Variants in LOXL2 observed in about 807,000 individuals in gnomAD.
The protein encoded by LOXL2 is lysyl oxidase homolog 2.
In LOXL2, 70 loss-of-function variants were observed where a neutral mutation model predicts 93.0. The observed-to-expected ratio is 0.75, with a 90% confidence interval of 0.62 to 0.92. The LOEUF is 0.92. Ranked by LOEUF, LOXL2 falls within the 40% of genes least tolerant of loss-of-function variation. The pLI, the probability that LOXL2 is intolerant of heterozygous loss-of-function variation, is 0.00. For synonymous variants in LOXL2, 438 were observed against 413.2 expected (o/e 1.06, Z -0.73); for missense variants, 973 against 1,054.9 (o/e 0.92, Z 1.08).
chr8:23,319,737 C>T (rs1475018833), intron 8 of LOXL2, 148 bp downstream of exon 8: 7 of 822,226 alleles, frequency 8.5e-6, no homozygotes, highest in East Asian at 5.2e-5. Context: ...GTGGCCAGAG[C>T]GAGGCTCCCT....
intron 3 of LOXL2, among the ~76,000 whole-genome samples, chr8:23,350,107 G>A (rs1280170332): frequency 6.6e-6 from 1 of 151,920 alleles, no homozygotes; most frequent in Non-Finnish European, 1.5e-5. Flanking sequence ...CTTGAGATCT[G>A]ACACCAACAC....
chr8:23,328,446 C>T lies in LOXL2; in HGVS notation c.1086G>A (p.Val362=). The change falls in exon 6 of 14, where the codon GTG becomes GTA. Residue 362 remains valine (V), a synonymous_variant. Transcript: ENST00000389131. Reference sequence around the variant, plus strand: ...TCCCAAAGCCCAGCTCTCTGCAGACCACACTGGCCGACACCAGGTCCCACT... The same window carrying T: ...TCCCAAAGCCCAGCTCTCTGCAGACTACACTGGCCGACACCAGGTCCCACT... ...DDKWDLVSAS[V]VCRELGFGSA... 1 of 1,614,124 alleles carries T rather than the reference C, an allele frequency of 6.2e-7. No homozygotes were observed. Among genetic ancestry groups the T allele is most frequent in the Non-Finnish European group, 8.5e-7 (1 of 1,180,016 alleles).
Position 23,311,568 on chromosome 8 carries a change from CATGGTTTGTGCTTAGCT to C in LOXL2, c.1637-1674_1637-1658del, listed in dbSNP as rs747733245. 2.2e-3 allele frequency among the ~76,000 whole-genome samples: 339 copies of C among 152,294 alleles called. 1 individual carries two copies. The highest frequency in any genetic ancestry group is 3.8e-3 in the Non-Finnish European group (259 of 68,032). On this transcript the variant is annotated intron_variant, in intron 9 of 13. Transcript: ENST00000389131. ...GCAAGGCGAGGGATCGTTAATGTACCATGGTTTGTGCTTAGCTGGTAGCCTGAGATGTGCAATCTCAA... is the reference window on the plus strand; with the variant it reads ...GCAAGGCGAGGGATCGTTAATGTACCGGTAGCCTGAGATGTGCAATCTCAA...
At chr8:23,395,834 T>C (rs562929056) in intron 1 of LOXL2, among the ~76,000 whole-genome samples, 1 of 152,024 alleles carries the variant, frequency 6.6e-6, no homozygotes, top group South Asian at 2.1e-4. Flanking sequence ...CCACCATGAC[T>C]GGCTAATTTT....
chr8:23,394,924 G>A (rs1468529430), intron 1 of LOXL2, among the ~76,000 whole-genome samples: 3 of 152,024 alleles, frequency 2.0e-5, no homozygotes, highest in Admixed American at 1.3e-4. Flanking sequence ...AATATTATTC[G>A]GCCATAAAAA....
intron 3 of LOXL2, among the ~76,000 whole-genome samples, chr8:23,342,411 A>G (rs1803895841): frequency 1.3e-5 from 2 of 151,474 alleles, no homozygotes; most frequent in African/African-American, 4.8e-5. Flanking sequence ...GCCAGCCACC[A>G]AAGAGCCTCT....
chr8:23,352,053 TC>T (rs33949828), intron 3 of LOXL2, among the ~76,000 whole-genome samples: 45,548 of 151,798 alleles, frequency 0.3, 8,776 homozygotes, highest in African/African-American at 0.54. Flanking sequence ...CCTCAAGTGA[TC>T]CCCCCCACCT....
In LOXL2 at chr8:23,361,707, G is replaced by C. The variant is rs553640433; in HGVS notation, c.356-1442C>G. ...ATACAAAAAATTAGACAGGCGTGGT[G>C]GCACGTGCCTGTAATCCCAGCTACT... On this transcript the variant is annotated intron_variant, in intron 2 of 13. Transcript: ENST00000389131. 3.2e-4 allele frequency among the ~76,000 whole-genome samples: 49 copies of C among 152,264 alleles called. 1 individual carries two copies. The highest frequency in any genetic ancestry group is 1.2e-3 in the African/African-American group (49 of 41,548).
At chr8:23,316,778 T>G in intron 9 of LOXL2, 171 bp downstream of exon 9, 1 of 615,558 alleles carries the variant, frequency 1.6e-6, no homozygotes, top group Non-Finnish European at 2.7e-6. Context: ...CAGCGATCTG[T>G]GGTTGGGGTG....
Position 23,371,558 on chromosome 8 carries a change from C to A in LOXL2, c.-83-3124G>T, listed in dbSNP as rs559714001. 2.6e-5 allele frequency among the ~76,000 whole-genome samples: 4 copies of A among 151,646 alleles called. No homozygotes were observed. The East Asian group carries it at 7.8e-4, about 29-fold the overall frequency. ...ACAAGGTCAGGAGATCAAGCCCATC[C>A]CGGCTAACACGGTGAAACCCCGTCT... On this transcript the variant is annotated intron_variant, in intron 1 of 13. Transcript: ENST00000389131.
chr8:23,314,823 AC>A (rs1281935800), intron 9 of LOXL2, among the ~76,000 whole-genome samples: 72 of 43,174 alleles, frequency 1.7e-3, no homozygotes, highest in African/African-American at 0.012. Flanking sequence ...CATAAATAAA[AC>A]GAAAAAAGAA....
intron 1 of LOXL2, among the ~76,000 whole-genome samples, chr8:23,390,991 TGA>T: frequency 6.6e-6 from 1 of 152,170 alleles, no homozygotes; most frequent in South Asian, 2.1e-4. Context: ...GCAGCAGACA[TGA>T]GAGAATATGA....
At chr8:23,354,932 A>AATATATATATATATATATATATAT (rs770424807) in intron 3 of LOXL2, among the ~76,000 whole-genome samples, 4 of 59,186 alleles carry the variant, frequency 6.8e-5, no homozygotes, top group African/African-American at 9.2e-5. Flanking sequence ...TGGGAGTTGG[A>AATATATATATATATATATATATAT]ATATATATAT....
chr8:23,381,589 C>T (rs1353425158), intron 1 of LOXL2, among the ~76,000 whole-genome samples: 2 of 152,180 alleles, frequency 1.3e-5, no homozygotes, highest in Non-Finnish European at 2.9e-5. Context: ...TCTCCCTTGC[C>T]CCGTGCTTAC....
At chr8:23,361,488 AGTGTTAGAGG>A (rs1804289800) in intron 2 of LOXL2, among the ~76,000 whole-genome samples, 1 of 152,224 alleles carries the variant, frequency 6.6e-6, no homozygotes, top group Admixed American at 6.5e-5. Context: ...CAGCGTGCAA[AGTGTTAGAGG>A]GTGAACCACA....
At chr8:23,323,932 C>T (rs1803539303) in intron 6 of LOXL2, among the ~76,000 whole-genome samples, 1 of 152,142 alleles carries the variant, frequency 6.6e-6, no homozygotes, top group African/African-American at 2.4e-5. Context: ...GATCTCTTGA[C>T]CTTGTGATCT....
At chr8:23,400,075 G>A (rs543821632) in intron 1 of LOXL2, among the ~76,000 whole-genome samples, 1 of 152,214 alleles carries the variant, frequency 6.6e-6, no homozygotes, top group African/African-American at 2.4e-5. Context: ...CACATGATCT[G>A]CCAAGAAAGG....
At chr8:23,304,122 G>A (rs1444804632) in intron 10 of LOXL2, among the ~76,000 whole-genome samples, 1 of 152,246 alleles carries the variant, frequency 6.6e-6, no homozygotes, top group Non-Finnish European at 1.5e-5. Flanking sequence ...CATCCTCAGG[G>A]GCACACAGCA....
chr8:23,389,172 G>C (rs1163866844), intron 1 of LOXL2, among the ~76,000 whole-genome samples: 1 of 152,114 alleles, frequency 6.6e-6, no homozygotes, highest in African/African-American at 2.4e-5. Flanking sequence ...AGGAAAAGAA[G>C]AAAATGTAAA....
Sources: allele counts gnomAD v4.1 joint callset (sites outside exome capture counted in the v4.1 genomes callset), GRCh38; gene constraint gnomAD v4.1.1; transcripts MANE v1.5; gene names NCBI Gene and HGNC (gene_info 2026-07-23, HGNC 2026-07-21).